The following GAB2 variants were observed in gnomAD, a reference collection of about 807,000 sequenced individuals.
GAB2 encodes GRB2 associated binding protein 2.
A neutral mutation model predicts 65.5 loss-of-function variants in GAB2; 26 were observed. The observed-to-expected ratio is 0.40, with a 90% CI of 0.29 to 0.55. GAB2 has a LOEUF of 0.55. GAB2 is among the 20% of genes least tolerant of loss of function. GAB2 has a pLI of 0.53. For missense variants in GAB2, 884 were observed against 875.8 expected (o/e 1.01, Z -0.12); for synonymous variants, 321 against 329.6 (o/e 0.97, Z 0.28).
rs552443930 is a variant in GAB2 at position 78,250,235 on chromosome 11, T to G, written c.542A>C (p.Gln181Pro). Reference protein sequence around the residue: ...TFEPPVSNHMQPTLSTSAPQE... With the variant: ...TFEPPVSNHMPPTLSTSAPQE... ...AGGTGCGCTGGTGGACAAGGTGGGC[T>G]GCATGTGGTTTGACACAGGGGGTTC... Residue 181 changes from glutamine (Q) to proline (P), a missense_variant, in exon 3 of 10, where the codon CAG (glutamine) becomes CCG (proline). Gln to Pro is a moderately conservative substitution (Grantham distance 76, BLOSUM62 -1). Coordinates refer to ENST00000361507, the MANE Select transcript of GAB2 (RefSeq NM_080491.3). 6 of 1,613,496 alleles carry G rather than the reference T, an allele frequency of 3.7e-6. No homozygotes were observed. The South Asian group carries it at 6.6e-5, about 18-fold the overall frequency.
At chr11:78,221,888 G>T in intron 7 of GAB2, 109 bp from the exon 8 acceptor site, 1 of 730,358 alleles carries the variant, frequency 1.4e-6, no homozygotes, top group South Asian at 1.7e-5. Context: ...AGCCATTAGA[G>T]CTGCACACTC....
intron 1 of GAB2, among the ~76,000 whole-genome samples, chr11:78,325,273 A>G (rs763931360): frequency 6.6e-6 from 1 of 152,194 alleles, no homozygotes; most frequent in Non-Finnish European, 1.5e-5. Flanking sequence ...AATGTCTATT[A>G]TAGGTGGGGA....
chr11:78,315,073 G>C (rs1296041820), intron 1 of GAB2, among the ~76,000 whole-genome samples: 2 of 152,332 alleles, frequency 1.3e-5, no homozygotes, highest in African/African-American at 4.8e-5. Context: ...AAGAGTTTCA[G>C]AAGAGACAGC....
At chr11:78,262,894 G>A (rs7109498) in intron 2 of GAB2, among the ~76,000 whole-genome samples, 2 of 152,108 alleles carry the variant, frequency 1.3e-5, no homozygotes, top group African/African-American at 4.8e-5. Context: ...CATTACATCT[G>A]GTCTGTTTCT....
intron 1 of GAB2, among the ~76,000 whole-genome samples, chr11:78,305,416 G>A (rs1855334926): frequency 6.6e-6 from 1 of 152,190 alleles, no homozygotes; most frequent in African/African-American, 2.4e-5. Flanking sequence ...CAGGGCTTTA[G>A]ACAGGAATGA....
intron 3 of GAB2, among the ~76,000 whole-genome samples, chr11:78,236,736 T>C (rs2134495890): frequency 6.6e-6 from 1 of 151,136 alleles, no homozygotes; most frequent in East Asian, 1.9e-4. Flanking sequence ...TATATTATTT[T>C]TCTCCTTCAT....
chr11:78,319,403 G>A (rs563947343), intron 1 of GAB2, among the ~76,000 whole-genome samples: 1 of 152,188 alleles, frequency 6.6e-6, no homozygotes, highest in East Asian at 1.9e-4. Context: ...CTGACTTTAA[G>A]GTAATAATTC....
At position 78,291,580 on chromosome 11, in the gene GAB2, T is replaced by C. The variant is rs1429687779; in HGVS notation, c.76-10679A>G. On this transcript the variant is annotated intron_variant, in intron 1 of 9. Transcript: ENST00000361507. ...CTTTTTCTTTTTTTTTTTTTTTTTT[T>C]TTTTTTTTTGCGACAGGGTCTCCCT... is the stretch of plus-strand genomic sequence containing the variant. Among the ~76,000 whole-genome samples the C allele has an allele frequency of 2.8e-4, 35 of 125,042 alleles. 2 individuals carry two copies. The highest frequency in any genetic ancestry group is 1.0e-3 in the African/African-American group (33 of 31,560). 82.0% of individuals were successfully genotyped at this position (125,042 alleles called of 152,430 possible).
intron 1 of GAB2, among the ~76,000 whole-genome samples, chr11:78,393,959 T>A: frequency 6.6e-6 from 1 of 152,140 alleles, no homozygotes; most frequent in Non-Finnish European, 1.5e-5. Context: ...CAGCAGTCAA[T>A]AACTGGTGCC....
intron 1 of GAB2, among the ~76,000 whole-genome samples, chr11:78,395,792 G>T (rs1352528791): frequency 1.3e-5 from 2 of 152,188 alleles, no homozygotes; most frequent in African/African-American, 4.8e-5. Context: ...AGCTCAGAAA[G>T]ATTAAGAAAC....
intron 1 of GAB2, among the ~76,000 whole-genome samples, chr11:78,372,823 C>G (rs1181417109): frequency 6.6e-6 from 1 of 152,138 alleles, no homozygotes; most frequent in Admixed American, 6.5e-5. Flanking sequence ...CAACCTACCC[C>G]ACTCCCAACC....
At chr11:78,256,507 G>C (rs150063109) in intron 2 of GAB2, among the ~76,000 whole-genome samples, 85 of 152,308 alleles carry the variant, frequency 5.6e-4, no homozygotes, top group African/African-American at 2.0e-3. Context: ...AGTGAGAATA[G>C]ATCTAAGTGG....
intron 3 of GAB2, among the ~76,000 whole-genome samples, chr11:78,246,719 C>G (rs879686818): frequency 1.3e-5 from 2 of 152,028 alleles, no homozygotes; most frequent in Non-Finnish European, 2.9e-5. Flanking sequence ...GTCTGATCTT[C>G]AACTCCTGAC....
Position 78,219,252 on chromosome 11 carries a change from G to C in GAB2, c.*20C>G. 1.2e-6 allele frequency: 2 copies of C among 1,611,176 alleles called. No individual in the cohort carries two copies. The highest frequency in any genetic ancestry group is 1.7e-6 in the Non-Finnish European group (2 of 1,179,094). On this transcript the variant is annotated 3_prime_UTR_variant, in exon 10 of 10. Coordinates refer to ENST00000361507, the MANE Select transcript of GAB2 (RefSeq NM_080491.3). ...CAGCTCTGGAGATGCTGCCTCCTGG[G>C]CTCTGCGGTGGCCCTCTCATCACAG...
intron 2 of GAB2, among the ~76,000 whole-genome samples, chr11:78,259,038 T>A (rs1463296596): frequency 4.6e-5 from 7 of 152,092 alleles, no homozygotes; most frequent in African/African-American, 1.4e-4. Flanking sequence ...CTCTACCCTC[T>A]GGTAGGCCCC....
At chr11:78,301,855 T>C (rs902728118) in intron 1 of GAB2, among the ~76,000 whole-genome samples, 4 of 152,120 alleles carry the variant, frequency 2.6e-5, no homozygotes, top group Admixed American at 2.6e-4. Context: ...CATAGACCAA[T>C]GGAACACAAT....
intron 1 of GAB2, among the ~76,000 whole-genome samples, chr11:78,308,228 G>A (rs1003061565): frequency 6.6e-6 from 1 of 152,068 alleles, no homozygotes; most frequent in Admixed American, 6.6e-5. Context: ...AAATACACTA[G>A]GTTGAAAGAG....
chr11:78,244,942 T>C (rs895293269), intron 3 of GAB2, among the ~76,000 whole-genome samples: 2 of 152,252 alleles, frequency 1.3e-5, no homozygotes, highest in African/African-American at 4.8e-5. Flanking sequence ...TGGGTATATA[T>C]CTGAAGGAAA....
At chr11:78,417,504 G>A (rs1857214287) in intron 1 of GAB2, 142 bp downstream of exon 1, 1 of 259,622 alleles carries the variant, frequency 3.9e-6, no homozygotes, top group Non-Finnish European at 6.5e-6. Context: ...TGCCCCACAC[G>A]CCCCCGGCCG....
Sources: gnomAD v4.1 joint callset for allele counts (sites outside exome capture counted in the v4.1 genomes callset) on GRCh38, gnomAD v4.1.1 for gene constraint, MANE v1.5 for transcripts, NCBI Gene and HGNC (gene_info 2026-07-23, HGNC 2026-07-21) for gene names.